CLASP2: variants seen among roughly 807,000 people sequenced by gnomAD.
CLASP2 encodes the protein CLIP-associating protein 2.
A neutral mutation model predicts 194.4 loss-of-function variants in CLASP2; 47 were observed. That is an observed-to-expected ratio of 0.24 (90% CI 0.19 to 0.31). CLASP2 has a LOEUF of 0.31. Ranked by LOEUF, CLASP2 falls within the 10% of genes least tolerant of loss-of-function variation. The pLI is 1.00. For synonymous variants in CLASP2, 619 were observed against 633.5 expected, an observed-to-expected ratio of 0.98 and a Z score of 0.34; for missense variants, 1,445 against 1,823.6, an observed-to-expected ratio of 0.79 and a Z score of 3.78.
intron 34 of CLASP2, among the ~76,000 whole-genome samples, chr3:33,531,674 C>G (rs1222294223): frequency 2.0e-5 from 3 of 152,198 alleles, no homozygotes; most frequent in African/African-American, 7.2e-5. Context: ...ACTCAGCAGG[C>G]TGAGGCAGGA....
intron 27 of CLASP2, among the ~76,000 whole-genome samples, chr3:33,565,230 G>A (rs1363977660): frequency 1.3e-5 from 2 of 152,174 alleles, no homozygotes; most frequent in South Asian, 2.1e-4. Flanking sequence ...CCAGGGTGGA[G>A]TGCACTGGTG....
At chr3:33,588,943 A>C (rs1336465146) in intron 21 of CLASP2, among the ~76,000 whole-genome samples, 1 of 152,174 alleles carries the variant, frequency 6.6e-6, no homozygotes, top group Non-Finnish European at 1.5e-5. Context: ...TTTTAAAGCT[A>C]ATCAACTGAA....
Position 33,602,944 on chromosome 3 carries a change from T to C in CLASP2, c.1924+8A>G, listed in dbSNP as rs1401711346. 6.2e-7 allele frequency: 1 copy of C among 1,606,326 alleles called. No homozygotes were observed. The highest frequency in any genetic ancestry group is 2.2e-5 in the East Asian group (1 of 44,700). On this transcript the variant is annotated splice_region_variant and intron_variant, in intron 18 of 38. Coordinates refer to ENST00000682230, the MANE Select transcript of CLASP2 (RefSeq NM_001365631.1). ...CATGGTACAATTTTCCATAATCAGT[T>C]CTCTTACCTAGTGACGCATAGGAAC... is the stretch of plus-strand genomic sequence containing the variant.
intron 8 of CLASP2, among the ~76,000 whole-genome samples, chr3:33,643,014 T>C (rs1007476855): frequency 1.3e-5 from 2 of 151,978 alleles, no homozygotes; most frequent in Admixed American, 1.3e-4. Flanking sequence ...TTAATTACTA[T>C]ACTCATGAAA....
At chr3:33,536,429 C>G (rs1035472911) in intron 33 of CLASP2, among the ~76,000 whole-genome samples, 1 of 152,106 alleles carries the variant, frequency 6.6e-6, no homozygotes, top group Admixed American at 6.6e-5. Context: ...AAGGGGCTAT[C>G]TGGAGGTAGA....
rs113923907 is a variant in CLASP2 at position 33,605,064 on chromosome 3, G to C, written c.1695-855C>G. Among the ~76,000 whole-genome samples the C allele has an allele frequency of 6.6e-5, 10 of 152,272 alleles. 1 individual carries two copies. The highest frequency in any genetic ancestry group is 1.9e-4 in the African/African-American group (8 of 41,558). On this transcript the variant is annotated intron_variant, in intron 16 of 38. Transcript: ENST00000682230. ...CACTTTAAGGTTCACAGAATCTAAAGTTGTTTATGTTTAAAAATGTTACAT... is the reference window on the plus strand; with the variant it reads ...CACTTTAAGGTTCACAGAATCTAAACTTGTTTATGTTTAAAAATGTTACAT...
intron 25 of CLASP2, 68 bp downstream of exon 25, chr3:33,573,040 TTA>T: frequency 6.4e-7 from 1 of 1,560,602 alleles, no homozygotes; most frequent in South Asian, 1.2e-5. Flanking sequence ...CTCTAAAGTG[TTA>T]TAGAAACAAA....
chr3:33,643,413 T>C (rs1010182082), intron 8 of CLASP2, among the ~76,000 whole-genome samples: 1 of 151,912 alleles, frequency 6.6e-6, no homozygotes, highest in Non-Finnish European at 1.5e-5. Flanking sequence ...TGTCATATAC[T>C]TTTTACTAGC....
Position 33,667,406 on chromosome 3 carries a change from CAAAA to C in CLASP2, c.645-3895_645-3892del, listed in dbSNP as rs537846651. Among the ~76,000 whole-genome samples the C allele has an allele frequency of 1.5e-3, 66 of 44,128 alleles. No homozygotes were observed. In the East Asian group the frequency reaches 0.023, roughly 16 times the overall value. 28.9% of individuals were successfully genotyped at this position (44,128 alleles called of 152,430 possible). A position where few individuals can be genotyped will look rare whatever the true frequency, so the allele number is the denominator to read the frequency against. The stretch of plus-strand genomic sequence containing the variant: ...CCTGGGTGACAGAGTGAGACTATCT[CAAAA>C]AAAAAAAAAAAAAAAAAAGACATTT... On this transcript the variant is annotated intron_variant, in intron 6 of 38. Coordinates refer to ENST00000682230, the MANE Select transcript of CLASP2 (RefSeq NM_001365631.1).
rs771193783 is a variant in CLASP2 at position 33,644,844 on chromosome 3, C to T, written c.775G>A (p.Ala259Thr). ...GTTTTAGGTGCAGGAACCTTGAAGG[C>T]TGATGCAGCTGATGATGGCCTATTT... ...DGNRPSSAAS[A>T]FKVPAPKTSG... Residue 259 changes from alanine (A) to threonine (T), a missense_variant, in exon 8 of 39, where the codon GCC becomes ACC. Transcript: ENST00000682230. 7 of 1,610,114 alleles carry T rather than the reference C, an allele frequency of 4.3e-6. No individual in the cohort carries two copies. The highest frequency in any genetic ancestry group is 3.3e-4 in the Middle Eastern group (2 of 6,038).
chr3:33,557,639 T>C (rs763367827), intron 29 of CLASP2, among the ~76,000 whole-genome samples: 1 of 152,182 alleles, frequency 6.6e-6, no homozygotes, highest in Non-Finnish European at 1.5e-5. Flanking sequence ...TTAATAATGA[T>C]AAAATTACAA....
intron 27 of CLASP2, among the ~76,000 whole-genome samples, chr3:33,564,813 C>T (rs900058203): frequency 2.6e-5 from 4 of 152,120 alleles, no homozygotes; most frequent in African/African-American, 9.7e-5. Context: ...TAGTCTTGAA[C>T]TCCTGGCCTT....
intron 28 of CLASP2, among the ~76,000 whole-genome samples, chr3:33,559,704 G>C (rs572969486): frequency 1.5e-4 from 23 of 152,276 alleles, no homozygotes; most frequent in Non-Finnish European, 2.5e-4. Context: ...AGACCAGCGT[G>C]ACCAACATGG....
At chr3:33,707,231 A>AT (rs1175973791) in intron 1 of CLASP2, among the ~76,000 whole-genome samples, 1 of 152,248 alleles carries the variant, frequency 6.6e-6, no homozygotes, top group Non-Finnish European at 1.5e-5. Flanking sequence ...GACAGTTTGA[A>AT]TATCAAAAAG....
intron 2 of CLASP2, among the ~76,000 whole-genome samples, chr3:33,691,590 T>G (rs2091358263): frequency 6.6e-6 from 1 of 152,170 alleles, no homozygotes; most frequent in Non-Finnish European, 1.5e-5. Context: ...CAATATAAAT[T>G]CTTCTCATAC....
chr3:33,599,502 T>G (rs189173679), intron 18 of CLASP2, among the ~76,000 whole-genome samples: 1 of 152,248 alleles, frequency 6.6e-6, no homozygotes, highest in Admixed American at 6.5e-5. Context: ...GACTTCAAAC[T>G]CAAAATGCAT....
chr3:33,586,732 G>A (rs1250152502), intron 21 of CLASP2, among the ~76,000 whole-genome samples: 1 of 152,068 alleles, frequency 6.6e-6, no homozygotes, highest in African/African-American at 2.4e-5. Flanking sequence ...CTTCATGAAA[G>A]CAACCTTTTC....
At chr3:33,705,515 T>C (rs2092634468) in intron 1 of CLASP2, among the ~76,000 whole-genome samples, 1 of 152,134 alleles carries the variant, frequency 6.6e-6, no homozygotes, top group South Asian at 2.1e-4. Flanking sequence ...ATCAATGTAA[T>C]ATACACTTCA....
intron 7 of CLASP2, among the ~76,000 whole-genome samples, chr3:33,661,405 C>T (rs2085282883): frequency 1.3e-5 from 2 of 152,214 alleles, no homozygotes; most frequent in African/African-American, 2.4e-5. Context: ...CAGAAGTCTA[C>T]AGAAGTAGTC....
Sources: gnomAD v4.1 joint callset for allele counts (sites outside exome capture counted in the v4.1 genomes callset) on GRCh38, gnomAD v4.1.1 for gene constraint, MANE v1.5 for transcripts, NCBI Gene and HGNC (gene_info 2026-07-23, HGNC 2026-07-21) for gene names.